The following PMS1 variants were observed in gnomAD, a reference collection of about 807,000 sequenced individuals.
PMS1 encodes PMS1 protein homolog 1.
A neutral mutation model predicts 93.1 loss-of-function variants in PMS1; 79 were observed. That is an observed-to-expected ratio of 0.85 (90% confidence interval 0.71 to 1.02). The LOEUF (loss-of-function observed/expected upper bound fraction) is 1.02, where lower values mean the gene tolerates loss of function less well. Among genes scored for constraint, PMS1 ranks in the 50% least tolerant of loss-of-function variants. The probability of loss-of-function intolerance (pLI) is 0.00; values close to 1 mark genes in which losing one functional copy is unlikely to be tolerated. For synonymous variants in PMS1, 335 were observed against 363.4 expected, an observed-to-expected ratio of 0.92 and a Z score of 0.89; for missense variants, 1,064 against 1,085.3, an observed-to-expected ratio of 0.98 and a Z score of 0.28.
intron 1 of PMS1, among the ~76,000 whole-genome samples, chr2:189,788,905 T>C (rs1379388944): frequency 6.6e-6 from 1 of 152,208 alleles, no homozygotes; most frequent in East Asian, 1.9e-4. Flanking sequence ...TCTGAAGCTT[T>C]GGAAAAGTGC....
chr2:189,865,493 G>T (rs1009242109), intron 10 of PMS1, among the ~76,000 whole-genome samples: 1 of 152,154 alleles, frequency 6.6e-6, no homozygotes, highest in South Asian at 2.1e-4. Context: ...CTATCACTAG[G>T]TTCAGGTAAT....
At chr2:189,843,315 ACC>A in intron 5 of PMS1, among the ~76,000 whole-genome samples, 1 of 151,854 alleles carries the variant, frequency 6.6e-6, no homozygotes, top group South Asian at 2.1e-4. Flanking sequence ...ACTGCAAACA[ACC>A]TATTGTTTCT....
chr2:189,825,149 A>T (rs981982076), intron 5 of PMS1, among the ~76,000 whole-genome samples: 1 of 152,176 alleles, frequency 6.6e-6, no homozygotes, highest in African/African-American at 2.4e-5. Context: ...CTGCCAAGAC[A>T]TTCTTTGAAT....
At chr2:189,860,645 G>A (rs2055863403) in intron 9 of PMS1, among the ~76,000 whole-genome samples, 1 of 151,868 alleles carries the variant, frequency 6.6e-6, no homozygotes, top group Non-Finnish European at 1.5e-5. Context: ...AAAGTAATGA[G>A]AATTAAAGCC....
At chr2:189,823,093 T>G (rs2052089571) in intron 5 of PMS1, among the ~76,000 whole-genome samples, 1 of 152,126 alleles carries the variant, frequency 6.6e-6, no homozygotes, top group Admixed American at 6.5e-5. Context: ...TTATTTTATT[T>G]TACATAATTC....
intron 6 of PMS1, among the ~76,000 whole-genome samples, chr2:189,849,830 G>T (rs930628050): frequency 6.7e-6 from 1 of 150,180 alleles, no homozygotes; most frequent in Non-Finnish European, 1.5e-5. Context: ...TGTGACTCTG[G>T]CAAGCAGCTC....
At chr2:189,805,355 A>G (rs5743015) in intron 3 of PMS1, among the ~76,000 whole-genome samples, 2,393 of 152,328 alleles carry the variant, frequency 0.016, 62 homozygotes, top group African/African-American at 0.055. Context: ...TTTTACAGAC[A>G]TAAGTCATAT....
At chr2:189,792,323 G>A (rs1297649748) in intron 2 of PMS1, among the ~76,000 whole-genome samples, 3 of 151,910 alleles carry the variant, frequency 2.0e-5, no homozygotes, top group African/African-American at 7.3e-5. Context: ...AAATTTAAGT[G>A]CTGTATATTA....
chr2:189,842,415 A>G (rs529708659), intron 5 of PMS1, among the ~76,000 whole-genome samples: 6 of 152,104 alleles, frequency 3.9e-5, no homozygotes, highest in African/African-American at 9.7e-5. Flanking sequence ...GTTGAATTCT[A>G]CCTGTACTGA....
At chr2:189,876,367 T>TGG (rs2057567896) in intron 12 of PMS1, among the ~76,000 whole-genome samples, 1 of 152,170 alleles carries the variant, frequency 6.6e-6, no homozygotes, top group East Asian at 1.9e-4. Context: ...ACATTTGTAT[T>TGG]GGATCCAGCC....
intron 11 of PMS1, 86 bp downstream of exon 11, chr2:189,868,015 A>T (rs2056812785): frequency 8.7e-7 from 1 of 1,144,990 alleles, no homozygotes; most frequent in Non-Finnish European, 1.3e-6. Flanking sequence ...ATTTACAGAT[A>T]TGGTGGTATA....
intron 9 of PMS1, chr2:189,855,874 C>A (rs112146892): frequency 4.5e-6 from 5 of 1,110,374 alleles, no homozygotes; most frequent in African/African-American, 1.6e-5. Context: ...TGATCTAATC[C>A]AGCAGAAAAT....
chr2:189,817,622 C>T (rs767963449), intron 4 of PMS1, among the ~76,000 whole-genome samples: 2 of 151,994 alleles, frequency 1.3e-5, no homozygotes, highest in Non-Finnish European at 2.9e-5. Context: ...TAAGAATTTC[C>T]AGTAACATAA....
Position 189,877,439 on chromosome 2 carries a change from A to AT in PMS1, c.*3_*4insT. On this transcript the variant is annotated 3_prime_UTR_variant, in exon 13 of 13. Transcript: ENST00000441310. ...CCTATCTTCCAGAAACTACATGATT[A>AT]AATATGTTTAAGAAGATTAGTTACC... 3 of 1,599,140 alleles carry AT rather than the reference A, an allele frequency of 1.9e-6. No individual in the cohort carries two copies. Among genetic ancestry groups the AT allele is most frequent in the Non-Finnish European group, 2.6e-6 (3 of 1,166,536 alleles).
intron 2 of PMS1, among the ~76,000 whole-genome samples, chr2:189,795,549 T>A (rs902869153): frequency 3.3e-5 from 5 of 152,214 alleles, no homozygotes; most frequent in Admixed American, 3.3e-4. Context: ...CCTAACCTCC[T>A]TATTCAACAG....
intron 6 of PMS1, among the ~76,000 whole-genome samples, chr2:189,850,455 T>C (rs1020195250): frequency 6.6e-6 from 1 of 152,092 alleles, no homozygotes; most frequent in Non-Finnish European, 1.5e-5. Flanking sequence ...TGTGGTGAGA[T>C]TGAGAATATT....
chr2:189,855,513 G>A (rs2055220764), intron 9 of PMS1, among the ~76,000 whole-genome samples: 2 of 151,582 alleles, frequency 1.3e-5, no homozygotes, highest in African/African-American at 4.8e-5. Context: ...TGGAACAGTT[G>A]TAACTGGTGT....
intron 3 of PMS1, among the ~76,000 whole-genome samples, chr2:189,799,534 T>C (rs894356282): frequency 1.3e-5 from 2 of 152,196 alleles, no homozygotes; most frequent in African/African-American, 4.8e-5. Flanking sequence ...ATAAATGAAA[T>C]CATATGGTAT....
chr2:189,829,711 T>C (rs992734050), intron 5 of PMS1, among the ~76,000 whole-genome samples: 3 of 152,250 alleles, frequency 2.0e-5, no homozygotes, highest in Non-Finnish European at 4.4e-5. Flanking sequence ...GTCATACTCC[T>C]GTTTTTCCAG....
Sources: allele counts gnomAD v4.1 joint callset (sites outside exome capture counted in the v4.1 genomes callset), GRCh38; gene constraint gnomAD v4.1.1; transcripts MANE v1.5; gene names NCBI Gene and HGNC (gene_info 2026-07-23, HGNC 2026-07-21).